Variants in THSD4 observed in about 807,000 individuals in gnomAD.
The protein encoded by THSD4 is thrombospondin type 1 domain containing 4.
A neutral mutation model predicts 119.0 loss-of-function variants in THSD4; 69 were observed. That is an observed-to-expected ratio of 0.58 (90% CI 0.48 to 0.71). THSD4 has a LOEUF of 0.71. Ranked by LOEUF, THSD4 falls within the 30% of genes least tolerant of loss-of-function variation. THSD4 has a pLI of 0.00. For missense variants in THSD4, 1,393 were observed against 1,391.1 expected, an observed-to-expected ratio of 1.00 and a Z score of -0.02; for synonymous variants, 524 against 540.4, an observed-to-expected ratio of 0.97 and a Z score of 0.42.
intron 3 of THSD4, among the ~76,000 whole-genome samples, chr15:71,199,647 G>GAT (rs1567154704): frequency 7.8e-6 from 1 of 128,478 alleles, no homozygotes; most frequent in Non-Finnish European, 1.7e-5. Flanking sequence ...GTGTGTGTGT[G>GAT]GTGTGTGTGT....
intron 7 of THSD4, among the ~76,000 whole-genome samples, chr15:71,611,989 G>A (rs553394097): frequency 8.7e-4 from 132 of 152,278 alleles, no homozygotes; most frequent in African/African-American, 2.8e-3. Flanking sequence ...AGTACTCTTC[G>A]CCAAGAACTG....
chr15:71,357,974 C>CT (rs549180903), intron 6 of THSD4, among the ~76,000 whole-genome samples: 124 of 152,304 alleles, frequency 8.1e-4, no homozygotes, highest in African/African-American at 2.9e-3. Context: ...TCTGAGGTGG[C>CT]TTTGCTGTCT....
Position 71,700,967 on chromosome 15 carries a change from G to A in THSD4, c.1358-27582G>A, listed in dbSNP as rs932872461. ...AAATATTTTTAAATTTTGTGGTGAG[G>A]AGAGACTTTCTGACAAGAACTAAAC... On this transcript the variant is annotated intron_variant, in intron 8 of 17. Transcript: ENST00000261862. Among the ~76,000 whole-genome samples the A allele has an allele frequency of 3.3e-5, 5 of 151,964 alleles. No individual in the cohort carries two copies. The East Asian group carries it at 7.7e-4, about 23-fold the overall frequency.
intron 8 of THSD4, among the ~76,000 whole-genome samples, chr15:71,665,112 C>G (rs1183659261): frequency 2.0e-5 from 3 of 152,192 alleles, no homozygotes; most frequent in Admixed American, 2.0e-4. Flanking sequence ...TTTCCAGCAA[C>G]AGTGTATAAG....
chr15:71,312,543 C>T (rs2045126103), intron 6 of THSD4, among the ~76,000 whole-genome samples: 1 of 152,060 alleles, frequency 6.6e-6, no homozygotes, highest in Admixed American at 6.6e-5. Flanking sequence ...CTTCCAGCCT[C>T]CAGAACTGAG....
At chr15:71,645,791 G>C (rs932535595) in intron 7 of THSD4, among the ~76,000 whole-genome samples, 2 of 152,212 alleles carry the variant, frequency 1.3e-5, no homozygotes, top group Non-Finnish European at 2.9e-5. Flanking sequence ...ATGGATAAGA[G>C]AGAACTCAAA....
At chr15:71,345,465 T>C (rs576985405) in intron 6 of THSD4, among the ~76,000 whole-genome samples, 42 of 152,306 alleles carry the variant, frequency 2.8e-4, no homozygotes, top group South Asian at 8.3e-4. Context: ...TTAAGATTTT[T>C]TTTAACTTAA....
intron 3 of THSD4, among the ~76,000 whole-genome samples, chr15:71,184,994 T>C (rs2043584405): frequency 6.6e-6 from 1 of 151,790 alleles, no homozygotes; most frequent in African/African-American, 2.4e-5. Context: ...CTTGAGCTTC[T>C]GCTAACTGAT....
intron 7 of THSD4, among the ~76,000 whole-genome samples, chr15:71,598,316 C>T (rs1050944512): frequency 2.6e-5 from 4 of 152,120 alleles, no homozygotes; most frequent in Admixed American, 6.5e-5. Flanking sequence ...ACTAGAGTGG[C>T]GACATCATGA....
intron 6 of THSD4, among the ~76,000 whole-genome samples, chr15:71,292,492 C>G (rs2140326605): frequency 6.6e-6 from 1 of 151,860 alleles, no homozygotes; most frequent in East Asian, 1.9e-4. Flanking sequence ...TTTGGTTCTC[C>G]TTTCTGTGGT....
At chr15:71,383,613 T>C (rs917631608) in intron 6 of THSD4, among the ~76,000 whole-genome samples, 2 of 152,218 alleles carry the variant, frequency 1.3e-5, no homozygotes, top group African/African-American at 4.8e-5. Context: ...TTTTAATTGA[T>C]GTAAATTTCT....
At chr15:71,689,536 A>G (rs969461988) in intron 8 of THSD4, among the ~76,000 whole-genome samples, 6 of 152,194 alleles carry the variant, frequency 3.9e-5, no homozygotes, top group Admixed American at 1.3e-4. Flanking sequence ...GCTGTCATAA[A>G]ATCAGTAACC....
At chr15:71,757,729 T>C in intron 14 of THSD4, 173 bp from the exon 15 acceptor site, 1 of 758,960 alleles carries the variant, frequency 1.3e-6, no homozygotes, top group Non-Finnish European at 2.1e-6. Flanking sequence ...GACAGAGAAT[T>C]GCCATACTGA....
intron 8 of THSD4, among the ~76,000 whole-genome samples, chr15:71,679,305 G>T (rs1177923134): frequency 6.6e-6 from 1 of 152,294 alleles, no homozygotes; most frequent in African/African-American, 2.4e-5. Context: ...GCAGGGGCTG[G>T]CAACCTTTTT....
At chr15:71,739,772 G>T (rs546122471) in intron 11 of THSD4, among the ~76,000 whole-genome samples, 1 of 150,972 alleles carries the variant, frequency 6.6e-6, no homozygotes, top group East Asian at 2.0e-4. Flanking sequence ...GGGGAACTGT[G>T]TGATGTCCCA....
chr15:71,119,347 T>A (rs2040389692), intron 1 of THSD4, among the ~76,000 whole-genome samples: 1 of 152,198 alleles, frequency 6.6e-6, no homozygotes, highest in Non-Finnish European at 1.5e-5. Context: ...TTTTTAAGAT[T>A]ACCTCAGGCG....
At chr15:71,708,439 G>A (rs933528328) in intron 8 of THSD4, among the ~76,000 whole-genome samples, 1 of 152,206 alleles carries the variant, frequency 6.6e-6, no homozygotes, top group African/African-American at 2.4e-5. Flanking sequence ...AAGACCTGTA[G>A]TAGGGTCAGT....
chr15:71,352,089 AGAC>A (rs2045750546), intron 6 of THSD4, among the ~76,000 whole-genome samples: 1 of 152,208 alleles, frequency 6.6e-6, no homozygotes, highest in Non-Finnish European at 1.5e-5. Context: ...ACAAAAGAAA[AGAC>A]TGCCATGTCC....
intron 8 of THSD4, among the ~76,000 whole-genome samples, chr15:71,662,504 T>A (rs1237597641): frequency 2.6e-5 from 4 of 152,176 alleles, no homozygotes; most frequent in Non-Finnish European, 5.9e-5. Context: ...GAATGGGAAA[T>A]GTTCTTCTGG....
Sources: gnomAD v4.1 joint callset for allele counts (sites outside exome capture counted in the v4.1 genomes callset) on GRCh38, gnomAD v4.1.1 for gene constraint, MANE v1.5 for transcripts, NCBI Gene and HGNC (gene_info 2026-07-23, HGNC 2026-07-21) for gene names.